Variants in RAB18 observed in about 807,000 individuals in gnomAD.
The protein encoded by RAB18 is ras-related protein Rab-18.
A neutral mutation model predicts 28.5 loss-of-function variants in RAB18; 10 were observed. The observed-to-expected ratio is 0.35, with a 90% CI of 0.22 to 0.60. The LOEUF (loss-of-function observed/expected upper bound fraction) is 0.60. Among genes scored for constraint, RAB18 ranks in the 20% least tolerant of loss-of-function variants. The pLI, the probability that RAB18 is intolerant of heterozygous loss-of-function variation, is 0.78. For missense variants in RAB18, 188 were observed against 244.2 expected (o/e 0.77, Z 1.53); for synonymous variants, 93 against 86.9 (o/e 1.07, Z -0.39).
chr10:27,504,400 ATCC>A lies in RAB18; in HGVS notation c.34_36del (p.Leu12del), dbSNP rs1344600141. On this transcript the variant is annotated inframe_deletion, in exon 1 of 7. Coordinates refer to ENST00000356940, the MANE Select transcript of RAB18 (RefSeq NM_021252.5). ...CGAGGACGTGCTAACCACCCTGAAG[ATCC>A]TCATCATCGGCGAGAGTGGGGTGGG... 6.3e-7 allele frequency: 1 copy of A among 1,574,878 alleles called. No individual in the cohort carries two copies. Among genetic ancestry groups the A allele is most frequent in the Non-Finnish European group, 8.6e-7 (1 of 1,160,384 alleles).
At chr10:27,521,451 C>T (rs1347166239) in intron 2 of RAB18, among the ~76,000 whole-genome samples, 1 of 152,118 alleles carries the variant, frequency 6.6e-6, no homozygotes, top group African/African-American at 2.4e-5. Context: ...GGAACCAGCC[C>T]AAATGCCCAT....
intron 2 of RAB18, among the ~76,000 whole-genome samples, chr10:27,520,156 A>G (rs180964518): frequency 6.4e-4 from 98 of 152,270 alleles, no homozygotes; most frequent in South Asian, 5.8e-3. Flanking sequence ...TACTGATTCA[A>G]TCTTCTTACT....
intron 1 of RAB18, chr10:27,505,099 C>A (rs758678100): frequency 1.9e-5 from 10 of 532,752 alleles, no homozygotes; most frequent in South Asian, 1.4e-4. Flanking sequence ...CTCATTTTGC[C>A]ACATCCTGTG....
At chr10:27,521,030 AT>A (rs1264691438) in intron 2 of RAB18, among the ~76,000 whole-genome samples, 4 of 149,518 alleles carry the variant, frequency 2.7e-5, no homozygotes, top group South Asian at 4.2e-4. Flanking sequence ...GCATTCTCTA[AT>A]TTTTTTTCTG....
intron 1 of RAB18, 101 bp downstream of exon 1, chr10:27,504,538 G>A: frequency 7.3e-7 from 1 of 1,378,166 alleles, no homozygotes; most frequent in Non-Finnish European, 1.0e-6. Context: ...CTGCAGCGGC[G>A]GGCTCGGGCC....
chr10:27,532,140 T>A (rs1834801214), intron 3 of RAB18, among the ~76,000 whole-genome samples: 2 of 151,918 alleles, frequency 1.3e-5, no homozygotes, highest in Admixed American at 1.3e-4. Context: ...AAAAAAAAAT[T>A]CCTGTCATTA....
chr10:27,510,289 A>G, intron 2 of RAB18: 1 of 298,530 alleles, frequency 3.3e-6, no homozygotes, highest in South Asian at 3.4e-5. Flanking sequence ...GAGGGGTTAT[A>G]ATAGTGAATA....
At chr10:27,522,363 A>T (rs1589574713) in intron 2 of RAB18, among the ~76,000 whole-genome samples, 1 of 152,178 alleles carries the variant, frequency 6.6e-6, no homozygotes, top group African/African-American at 2.4e-5. Context: ...TGATTTTAGA[A>T]TAATTACCTT....
At chr10:27,517,098 C>T (rs892723084) in intron 2 of RAB18, among the ~76,000 whole-genome samples, 16 of 152,188 alleles carry the variant, frequency 1.1e-4, no homozygotes, top group African/African-American at 3.6e-4. Context: ...TGCAGTGACT[C>T]ACACCTGTAA....
intron 2 of RAB18, among the ~76,000 whole-genome samples, chr10:27,524,272 C>T (rs185438825): frequency 6.6e-6 from 1 of 152,168 alleles, no homozygotes; most frequent in African/African-American, 2.4e-5. Flanking sequence ...TTTTTTATGT[C>T]ACTCATGTCT....
intron 2 of RAB18, among the ~76,000 whole-genome samples, chr10:27,525,894 G>A (rs1834662185): frequency 6.6e-6 from 1 of 152,056 alleles, no homozygotes; most frequent in Admixed American, 6.5e-5. Context: ...TCTTAGTTGG[G>A]GCTGTTCTGA....
intron 2 of RAB18, among the ~76,000 whole-genome samples, chr10:27,516,992 T>G (rs908477660): frequency 5.3e-5 from 8 of 152,140 alleles, no homozygotes; most frequent in Admixed American, 3.3e-4. Context: ...GTAAATTAAC[T>G]AAGCAGCTAT....
In RAB18 at chr10:27,540,879, G is replaced by T. The variant is rs1388499903; in HGVS notation, c.*2828G>T. On this transcript the variant is annotated 3_prime_UTR_variant, in exon 7 of 7. Transcript: ENST00000356940. ...CAAGAGACATGATTCTCTACTAAGG[G>T]TGGGGCTAGCACCATAGCTCATAAA... 1 of 453,894 alleles carries T rather than the reference G, an allele frequency of 2.2e-6. No individual in the cohort carries two copies. The highest frequency in any genetic ancestry group is 4.4e-6 in the Non-Finnish European group (1 of 226,786). The allele number at this position is 453,894 out of a possible 1,614,324, so 28.1% of individuals were successfully genotyped here.
Position 27,534,013 on chromosome 10 carries a change from A to G in RAB18, c.445+19A>G. 1.3e-6 allele frequency: 2 copies of G among 1,567,554 alleles called. No individual in the cohort carries two copies. The highest frequency in any genetic ancestry group is 1.1e-5 in the South Asian group (1 of 90,072). On this transcript the variant is annotated intron_variant, in intron 6 of 6. Coordinates refer to ENST00000356940, the MANE Select transcript of RAB18 (RefSeq NM_021252.5). ...TTTATAGGTAGGTGTGTGAATGAAT[A>G]TCTGTCCTTTCATTATTAATGAGGA...
At position 27,533,774 on chromosome 10, in the gene RAB18, A is replaced by C. The variant is rs756197082; in HGVS notation, c.299A>C (p.Asp100Ala). The change falls in exon 5 of 7, where the codon GAT (aspartate) becomes GCT (alanine). Residue 100 changes from aspartate to alanine, a missense_variant. Transcript: ENST00000356940. ...VTRRDTFVKL[D>A]NWLNELETYC... is the part of the protein sequence containing the mutation. ...AGAAGAGATACATTTGTTAAACTGG[A>C]TAATTGGTTAAATGAATTGGAAACA... 5.1e-5 allele frequency: 82 copies of C among 1,613,616 alleles called. No individual in the cohort carries two copies. The highest frequency in any genetic ancestry group is 6.5e-5 in the Non-Finnish European group (77 of 1,179,812).
chr10:27,538,280 C>T lies in RAB18; in HGVS notation c.*229C>T. 1 of 649,100 alleles carries T rather than the reference C, an allele frequency of 1.5e-6. No individual in the cohort carries two copies. The highest frequency in any genetic ancestry group is 2.8e-6 in the Non-Finnish European group (1 of 353,970). The allele number at this position is 649,100 out of a possible 1,614,324, so 40.2% of individuals were successfully genotyped here. A position where few individuals can be genotyped will look rare whatever the true frequency, so the allele number is the denominator to read the frequency against. On this transcript the variant is annotated 3_prime_UTR_variant, in exon 7 of 7. Transcript: ENST00000356940. ...TTTATGTAGCACAAAATAGGTGTAC[C>T]TTTATAAGTACATTCAATTTTATGA... is the stretch of plus-strand genomic sequence containing the variant.
intron 3 of RAB18, among the ~76,000 whole-genome samples, chr10:27,527,578 T>TTATA (rs56035542): frequency 0.036 from 5,319 of 148,906 alleles, 353 homozygotes; most frequent in East Asian, 0.3. Context: ...ATATGATCGG[T>TTATA]TATATATATA....
At chr10:27,536,061 G>A (rs376259195) in intron 6 of RAB18, among the ~76,000 whole-genome samples, 7 of 141,492 alleles carry the variant, frequency 4.9e-5, no homozygotes, top group East Asian at 2.0e-4. Flanking sequence ...CAGCCTGGGC[G>A]ACAGAGCGAG....
At position 27,541,549 on chromosome 10, in the gene RAB18, C is replaced by T. The variant is rs899544464; in HGVS notation, c.*3498C>T. On this transcript the variant is annotated 3_prime_UTR_variant, in exon 7 of 7. Transcript: ENST00000356940. ...TTCAATGAATGTAAGCACACACACA[C>T]CTACACACATATTTTGAATAGTCGT... The T allele has an allele frequency of 5.3e-5, 24 of 453,712 alleles. No individual in the cohort carries two copies. Among genetic ancestry groups the T allele is most frequent in the Middle Eastern group, 6.8e-4 (1 of 1,466 alleles). The allele number at this position is 453,712 out of a possible 1,614,324, so 28.1% of individuals were successfully genotyped here. A position where few individuals can be genotyped will look rare whatever the true frequency, so the allele number is the denominator to read the frequency against.
Sources: gnomAD v4.1 joint callset for allele counts (sites outside exome capture counted in the v4.1 genomes callset) on GRCh38, gnomAD v4.1.1 for gene constraint, MANE v1.5 for transcripts, NCBI Gene and HGNC (gene_info 2026-07-23, HGNC 2026-07-21) for gene names.